The following ANKRD6 variants were observed in gnomAD, a reference collection of about 807,000 sequenced individuals.
ANKRD6 encodes ankyrin repeat domain 6.
In ANKRD6, 56 loss-of-function variants were observed where a neutral mutation model predicts 82.3. The ratio of observed to expected loss-of-function variants is 0.68; its 90% CI spans 0.55 to 0.85. The LOEUF is 0.85. Ranked by LOEUF, ANKRD6 falls within the 40% of genes least tolerant of loss-of-function variation. ANKRD6 has a pLI of 0.00. For synonymous variants in ANKRD6, 347 were observed against 352.1 expected (o/e 0.99, Z 0.16); for missense variants, 852 against 907.6 (o/e 0.94, Z 0.79).
intron 14 of ANKRD6, 91 bp downstream of exon 14, chr6:89,627,787 T>A: frequency 9.5e-7 from 1 of 1,047,426 alleles, no homozygotes; most frequent in Non-Finnish European, 1.4e-6. Flanking sequence ...ACTCAGAGGC[T>A]GAGACTCCCT....
intron 1 of ANKRD6, among the ~76,000 whole-genome samples, chr6:89,543,138 C>G (rs747678302): frequency 1.4e-4 from 22 of 152,198 alleles, no homozygotes; most frequent in Non-Finnish European, 2.9e-4. Flanking sequence ...GTGGCGAAAG[C>G]AAATCTGCAG....
chr6:89,554,907 A>G (rs1179490377), intron 1 of ANKRD6, among the ~76,000 whole-genome samples: 1 of 152,166 alleles, frequency 6.6e-6, no homozygotes, highest in East Asian at 1.9e-4. Context: ...AGTAAAGGAA[A>G]TCCAAAATAT....
chr6:89,591,599 G>A (rs184951368), intron 2 of ANKRD6, among the ~76,000 whole-genome samples: 1 of 152,300 alleles, frequency 6.6e-6, no homozygotes, highest in African/African-American at 2.4e-5. Context: ...AGTCGGACAT[G>A]CCTGGGGGCA....
intron 1 of ANKRD6, among the ~76,000 whole-genome samples, chr6:89,499,617 T>C (rs1335805436): frequency 6.6e-6 from 1 of 152,154 alleles, no homozygotes; most frequent in African/African-American, 2.4e-5. Flanking sequence ...CAATAGCTTG[T>C]ATTGTGTGAG....
At chr6:89,576,329 C>T (rs1312347707) in intron 2 of ANKRD6, among the ~76,000 whole-genome samples, 4 of 152,316 alleles carry the variant, frequency 2.6e-5, no homozygotes, top group East Asian at 1.9e-4. Context: ...GGATTACAGG[C>T]GTGAGCCACC....
chr6:89,517,150 G>A (rs912139095), intron 1 of ANKRD6, among the ~76,000 whole-genome samples: 3 of 152,216 alleles, frequency 2.0e-5, no homozygotes, highest in East Asian at 1.9e-4. Context: ...TGTTACAGGC[G>A]TAAGCCACCA....
intron 1 of ANKRD6, among the ~76,000 whole-genome samples, chr6:89,512,901 T>G (rs901015532): frequency 1.4e-4 from 21 of 152,168 alleles, no homozygotes; most frequent in Admixed American, 5.9e-4. Flanking sequence ...TCTTTTCTAT[T>G]TCTTTTTCCT....
chr6:89,590,446 C>T (rs1275769841), intron 2 of ANKRD6, among the ~76,000 whole-genome samples: 1 of 152,158 alleles, frequency 6.6e-6, no homozygotes, highest in Non-Finnish European at 1.5e-5. Flanking sequence ...GAGGGAGAGG[C>T]TTACACACCA....
At chr6:89,554,384 A>C (rs893194369) in intron 1 of ANKRD6, among the ~76,000 whole-genome samples, 2 of 151,768 alleles carry the variant, frequency 1.3e-5, no homozygotes, top group African/African-American at 4.8e-5. Flanking sequence ...CTCTCTTATA[A>C]AGGACACATG....
chr6:89,463,410 T>G (rs1211320122), intron 1 of ANKRD6, among the ~76,000 whole-genome samples: 1 of 152,226 alleles, frequency 6.6e-6, no homozygotes, highest in Non-Finnish European at 1.5e-5. Flanking sequence ...ATGAATGTTT[T>G]GTACTCTATC....
intron 1 of ANKRD6, among the ~76,000 whole-genome samples, chr6:89,448,801 T>C (rs965217750): frequency 6.6e-6 from 1 of 152,030 alleles, no homozygotes; most frequent in East Asian, 1.9e-4. Flanking sequence ...GAGGCCGAGA[T>C]GGGCGGATCA....
At chr6:89,580,149 A>G (rs1792164398) in intron 2 of ANKRD6, among the ~76,000 whole-genome samples, 1 of 152,014 alleles carries the variant, frequency 6.6e-6, no homozygotes, top group Non-Finnish European at 1.5e-5. Flanking sequence ...ACCACATGAA[A>G]GTGAATACTT....
rs553487775 is a variant in ANKRD6, at chr6:89,541,980, C to CT, written c.-143-24846dup. 4.0e-5 allele frequency among the ~76,000 whole-genome samples: 6 copies of CT among 151,130 alleles called. No homozygotes were observed. The South Asian group carries it at 1.3e-3, about 32-fold the overall frequency. ...AGCTTTCCTAATTTTTTTTCTTGTT[C>CT]TTTTTTTTCTAATTAGAATGTACTT... On this transcript the variant is annotated intron_variant, in intron 1 of 15. Transcript: ENST00000339746.
chr6:89,602,771 C>T (rs765858808), intron 3 of ANKRD6: 25 of 464,346 alleles, frequency 5.4e-5, no homozygotes, highest in Non-Finnish European at 8.6e-5. Flanking sequence ...GAGGTTGGCT[C>T]TGTGGCCGAG....
At chr6:89,625,328 T>C (rs529931453) in intron 13 of ANKRD6, among the ~76,000 whole-genome samples, 71 of 152,282 alleles carry the variant, frequency 4.7e-4, no homozygotes, top group African/African-American at 1.6e-3. Context: ...TTTTTTTATA[T>C]GTCAATCTTT....
At chr6:89,533,654 G>A (rs1783462289) in intron 1 of ANKRD6, among the ~76,000 whole-genome samples, 1 of 151,958 alleles carries the variant, frequency 6.6e-6, no homozygotes, top group African/African-American at 2.4e-5. Flanking sequence ...CTTACTGAAG[G>A]TACTCCTGAT....
intron 1 of ANKRD6, among the ~76,000 whole-genome samples, chr6:89,483,006 A>G (rs1051246942): frequency 1.8e-4 from 27 of 152,208 alleles, no homozygotes; most frequent in African/African-American, 6.0e-4. Context: ...AAACAAACCA[A>G]AACTCCAGAC....
Position 89,627,587 on chromosome 6 carries a change from G to A in ANKRD6, c.1376G>A (p.Arg459His), listed in dbSNP as rs768555283. Residue 459 changes from arginine (R) to histidine (H), a missense_variant, in exon 14 of 16, where the codon CGT becomes CAT. By Grantham distance (29) the Arg-to-His change is conservative. Transcript: ENST00000339746. ...QMENKTQHQM[R>H]VLDKLMVERL... ...TCTGCTCCACTTCACTCCTAGATGCGTGTTTTGGACAAGCTGATGGTTGAG... is the reference window on the plus strand; with the variant it reads ...TCTGCTCCACTTCACTCCTAGATGCATGTTTTGGACAAGCTGATGGTTGAG... 19 of 1,613,236 alleles carry A rather than the reference G, an allele frequency of 1.2e-5. No homozygotes were observed. The highest frequency in any genetic ancestry group is 9.9e-5 in the South Asian group (9 of 91,084).
intron 13 of ANKRD6, among the ~76,000 whole-genome samples, chr6:89,626,583 G>A (rs1298192699): frequency 6.6e-6 from 1 of 152,218 alleles, no homozygotes; most frequent in East Asian, 1.9e-4. Flanking sequence ...CAGAACGGAT[G>A]TTTCTTTTTT....
Sources: gnomAD v4.1 joint callset for allele counts (sites outside exome capture counted in the v4.1 genomes callset) on GRCh38, gnomAD v4.1.1 for gene constraint, MANE v1.5 for transcripts, NCBI Gene and HGNC (gene_info 2026-07-23, HGNC 2026-07-21) for gene names.